The following KIAA2012 variants were observed in gnomAD, a reference collection of about 807,000 sequenced individuals.
The protein encoded by KIAA2012 is KIAA2012.
In KIAA2012, 125 loss-of-function variants were observed where a neutral mutation model predicts 150.6. The observed-to-expected ratio is 0.83, with a 90% CI of 0.72 to 0.96. The LOEUF (loss-of-function observed/expected upper bound fraction) is 0.96. Ranked by LOEUF, KIAA2012 falls within the 40% of genes least tolerant of loss-of-function variation. The probability of loss-of-function intolerance (pLI) is 0.00; values close to 1 mark genes in which losing one functional copy is unlikely to be tolerated. For synonymous variants in KIAA2012, 462 were observed against 504.7 expected (o/e 0.92, Z 1.13); for missense variants, 1,219 against 1,354.9 (o/e 0.90, Z 1.57).
At chr2:202,165,171 A>G in intron 14 of KIAA2012, 113 bp from the exon 15 acceptor site, 1 of 956,860 alleles carries the variant, frequency 1.0e-6, no homozygotes, top group Non-Finnish European at 1.6e-6. Context: ...AGGAGAAGAA[A>G]CCACTAAGAA....
At position 202,102,984 on chromosome 2, in the gene KIAA2012, A is replaced by T; in HGVS notation, c.1194A>T (p.Glu398Asp). ...TGAAATTACCTCCTATCTCAGAAGAACCACCCAGAGTCTTGGAGCCCCTGA... is the reference window on the plus strand; with the variant it reads ...TGAAATTACCTCCTATCTCAGAAGATCCACCCAGAGTCTTGGAGCCCCTGA... Reference protein sequence around the residue: ...KALKLPPISEEPPRVLEPLKS... With the variant: ...KALKLPPISEDPPRVLEPLKS... The change falls in exon 8 of 24, where the codon GAA (glutamate) becomes GAT (aspartate). Residue 398 changes from glutamate (E) to aspartate (D), a missense_variant. Transcript: ENST00000498697. 1 of 1,550,526 alleles carries T rather than the reference A, an allele frequency of 6.4e-7. No individual in the cohort carries two copies. The highest frequency in any genetic ancestry group is 8.7e-7 in the Non-Finnish European group (1 of 1,146,946).
At position 202,154,730 on chromosome 2, in the gene KIAA2012, A is replaced by G. The variant is rs1449932360; in HGVS notation, c.1966A>G (p.Ile656Val). Reference protein sequence around the residue: ...AQKTGEPQSCINKALICSNRK... With the variant: ...AQKTGEPQSCVNKALICSNRK... ...GAAGACAGGAGAGCCTCAAAGTTGT[A>G]TAAATAAAGCGCTGATATGTTCAAA... The change falls in exon 14 of 24, where the codon ATA (isoleucine) becomes GTA (valine). Residue 656 changes from isoleucine (I) to valine (V), a missense_variant. Physicochemically the swap from Ile to Val is conservative, Grantham distance 29. Transcript: ENST00000498697. 5.2e-6 allele frequency: 8 copies of G among 1,550,276 alleles called. No homozygotes were observed. The highest frequency in any genetic ancestry group is 2.4e-5 in the East Asian group (1 of 40,936).
At chr2:202,112,374 A>G (rs997637448) in intron 10 of KIAA2012, among the ~76,000 whole-genome samples, 6 of 152,336 alleles carry the variant, frequency 3.9e-5, no homozygotes, top group African/African-American at 1.4e-4. Flanking sequence ...ATCTCTTCAT[A>G]TGGCTGTTCA....
At chr2:202,107,865 C>T (rs968289987) in intron 9 of KIAA2012, among the ~76,000 whole-genome samples, 3 of 152,004 alleles carry the variant, frequency 2.0e-5, no homozygotes, top group African/African-American at 7.3e-5. Flanking sequence ...AAAAATTAGC[C>T]GGGTGTGGTG....
At chr2:202,171,022 A>C (rs534462303) in intron 15 of KIAA2012, among the ~76,000 whole-genome samples, 87 of 152,266 alleles carry the variant, frequency 5.7e-4, no homozygotes, top group African/African-American at 2.0e-3. Flanking sequence ...GCATAGATTA[A>C]TGCTGGATGT....
chr2:202,159,870 C>G (rs1691612914), intron 14 of KIAA2012, among the ~76,000 whole-genome samples: 1 of 152,112 alleles, frequency 6.6e-6, no homozygotes, highest in South Asian at 2.1e-4. Flanking sequence ...ACTGGGAACT[C>G]CATACCTGCC....
intron 14 of KIAA2012, among the ~76,000 whole-genome samples, chr2:202,155,368 C>T (rs1691503769): frequency 6.6e-6 from 1 of 152,178 alleles, no homozygotes. Context: ...TACTCCCTCC[C>T]ACCCCAGCAT....
chr2:202,149,178 C>T (rs183212846), intron 13 of KIAA2012, among the ~76,000 whole-genome samples: 1 of 152,328 alleles, frequency 6.6e-6, no homozygotes, highest in Admixed American at 6.5e-5. Context: ...TCTCTCAGAT[C>T]TCTGTGTGCC....
chr2:202,158,297 T>C (rs573175462), intron 14 of KIAA2012, among the ~76,000 whole-genome samples: 1 of 150,788 alleles, frequency 6.6e-6, no homozygotes, highest in African/African-American at 2.4e-5. Context: ...CCCGGCCCCC[T>C]CAGCCAACAT....
chr2:202,156,280 A>G (rs16838895), intron 14 of KIAA2012, among the ~76,000 whole-genome samples: 2,183 of 152,292 alleles, frequency 0.014, 39 homozygotes, highest in East Asian at 0.062. Context: ...CGAGTATTCA[A>G]AAAATACTGC....
At chr2:202,201,810 G>A (rs964856679) in intron 22 of KIAA2012, 1 of 1,297,546 alleles carries the variant, frequency 7.7e-7, no homozygotes, top group South Asian at 1.2e-5. Context: ...AAGATGCAAG[G>A]TCTGAGGGTA....
chr2:202,109,480 C>T, intron 9 of KIAA2012, 133 bp from the exon 10 acceptor site: 1 of 723,018 alleles, frequency 1.4e-6, no homozygotes, highest in Non-Finnish European at 2.2e-6. Context: ...TCCCTTCTAG[C>T]CACAATACAA....
chr2:202,151,792 T>C (rs142966940), intron 13 of KIAA2012, among the ~76,000 whole-genome samples: 3,126 of 152,270 alleles, frequency 0.021, 107 homozygotes, highest in African/African-American at 0.07. Flanking sequence ...GACAGGGCCT[T>C]ACTCTGTTGC....
chr2:202,097,624 C>T, intron 5 of KIAA2012, 47 bp downstream of exon 5: 2 of 1,534,750 alleles, frequency 1.3e-6, no homozygotes, highest in Non-Finnish European at 1.8e-6. Context: ...GAGTCTCACT[C>T]TGTCACCCAG....
intron 12 of KIAA2012, among the ~76,000 whole-genome samples, chr2:202,129,337 A>C (rs904636816): frequency 4.0e-5 from 6 of 151,518 alleles, no homozygotes; most frequent in African/African-American, 1.5e-4. Context: ...CTCATGCCTC[A>C]GGCTCTCTAC....
intron 22 of KIAA2012, among the ~76,000 whole-genome samples, chr2:202,200,280 A>G (rs1381674989): frequency 1.3e-5 from 2 of 152,106 alleles, no homozygotes; most frequent in African/African-American, 4.8e-5. Flanking sequence ...TCTGCAGGAT[A>G]TCTTTGTTCA....
intron 21 of KIAA2012, among the ~76,000 whole-genome samples, chr2:202,195,913 T>C (rs1437732181): frequency 1.3e-5 from 2 of 152,224 alleles, no homozygotes; most frequent in African/African-American, 2.4e-5. Context: ...CCACATTTTC[T>C]TTATCCACTC....
At chr2:202,149,884 ATTT>A (rs1691386989) in intron 13 of KIAA2012, among the ~76,000 whole-genome samples, 1 of 152,206 alleles carries the variant, frequency 6.6e-6, no homozygotes, top group African/African-American at 2.4e-5. Flanking sequence ...GGGGAGAAGG[ATTT>A]CTCCCTGGGT....
rs541714394 is a variant in KIAA2012 at position 202,090,806 on chromosome 2, T to C, written c.406T>C (p.Phe136Leu). The change falls in exon 3 of 24, where the codon TTC becomes CTC. Residue 136 changes from phenylalanine to leucine, a missense_variant. Coordinates refer to ENST00000498697, the MANE Select transcript of KIAA2012 (RefSeq NM_001277372.4). ...QDRAWQPYLH[F>L]RSQLESQAQR... ...CAGAGCCTGGCAACCATACCTCCAC[T>C]TCCGAAGCCAGCTGGAGAGCCAGGC... is the stretch of plus-strand genomic sequence containing the variant. 193 of 1,550,542 alleles carry C rather than the reference T, an allele frequency of 1.2e-4. 2 individuals carry two copies. The Middle Eastern group carries it at 2.0e-3, about 16-fold the overall frequency.
Sources: allele counts gnomAD v4.1 joint callset (sites outside exome capture counted in the v4.1 genomes callset), GRCh38; gene constraint gnomAD v4.1.1; transcripts MANE v1.5; gene names NCBI Gene and HGNC (gene_info 2026-07-23, HGNC 2026-07-21).